OSBPL9: variants seen among roughly 807,000 people sequenced by gnomAD.
OSBPL9 encodes oxysterol-binding protein-related protein 9.
A neutral mutation model predicts 106.6 loss-of-function variants in OSBPL9; 40 were observed. The ratio of observed to expected loss-of-function variants is 0.38; its 90% CI spans 0.29 to 0.49. The LOEUF (loss-of-function observed/expected upper bound fraction) is 0.49. OSBPL9 is among the 20% of genes least tolerant of loss of function. The probability of loss-of-function intolerance (pLI) is 0.97; values close to 1 mark genes in which losing one functional copy is unlikely to be tolerated. For missense variants in OSBPL9, 609 were observed against 887.2 expected (o/e 0.69, Z 3.98); for synonymous variants, 269 against 295.4 (o/e 0.91, Z 0.92).
the OSBPL9 span, among the ~76,000 whole-genome samples, chr1:51,554,907 C>T: frequency 6.6e-6 from 1 of 152,302 alleles, no homozygotes; most frequent in Middle Eastern, 3.4e-3. Flanking sequence ...AATGCATATT[C>T]CCAGGCTACT....
chr1:51,535,198 G>T, the OSBPL9 span, among the ~76,000 whole-genome samples: 1 of 152,204 alleles, frequency 6.6e-6, no homozygotes. Context: ...CCCTCAAGTG[G>T]TGGTGGCCCA....
At chr1:51,611,299 T>C (rs1643986428) in intron 2 of OSBPL9, among the ~76,000 whole-genome samples, 1 of 151,932 alleles carries the variant, frequency 6.6e-6, no homozygotes, top group African/African-American at 2.4e-5. Flanking sequence ...ATTTTGCTTC[T>C]ACCAAATATA....
Position 51,679,886 on chromosome 1 carries a change from A to G in OSBPL9, c.241+10374A>G, listed in dbSNP as rs1275853695. ...TTGTTAATCTTACTGTGCCTTATTT[A>G]TAAGTTAAACTTTATTATAGGCAAG... On this transcript the variant is annotated intron_variant, in intron 3 of 23. Coordinates refer to ENST00000428468, the MANE Select transcript of OSBPL9 (RefSeq NM_024586.6). Among the ~76,000 whole-genome samples, 3 of 152,186 alleles carry G rather than the reference A, an allele frequency of 2.0e-5. No individual in the cohort carries two copies. In the East Asian group the frequency reaches 5.8e-4, roughly 29 times the overall value.
chr1:51,578,145 G>A (rs899455713), intron 1 of OSBPL9, among the ~76,000 whole-genome samples: 6 of 152,178 alleles, frequency 3.9e-5, no homozygotes, highest in Admixed American at 3.3e-4. Context: ...TAACTGAATG[G>A]ATGCATGATC....
At chr1:51,580,004 C>T (rs371097668) in intron 1 of OSBPL9, among the ~76,000 whole-genome samples, 1 of 152,162 alleles carries the variant, frequency 6.6e-6, no homozygotes, top group East Asian at 1.9e-4. Context: ...TGAGCACTCA[C>T]TTCTCTCTGA....
At chr1:51,783,854 T>C in intron 17 of OSBPL9, 61 bp from the exon 18 acceptor site, 5 of 1,220,952 alleles carry the variant, frequency 4.1e-6, no homozygotes, top group Non-Finnish European at 4.8e-6. Context: ...CCCCAGGTTA[T>C]GTGATTTTGG....
chr1:51,635,562 G>A (rs974132007), intron 1 of OSBPL9, among the ~76,000 whole-genome samples: 11 of 152,024 alleles, frequency 7.2e-5, no homozygotes, highest in Admixed American at 6.6e-4. Context: ...TTCCTTCAAG[G>A]TGCAGCATAT....
At chr1:51,629,957 A>T (rs1645010565) in intron 1 of OSBPL9, among the ~76,000 whole-genome samples, 1 of 152,062 alleles carries the variant, frequency 6.6e-6, no homozygotes, top group South Asian at 2.1e-4. Context: ...TCAAAAAAAA[A>T]AAATTATTAA....
chr1:51,748,114 C>A (rs1480927716), intron 6 of OSBPL9, among the ~76,000 whole-genome samples: 1 of 152,052 alleles, frequency 6.6e-6, no homozygotes, highest in East Asian at 1.9e-4. Flanking sequence ...TTATATTATT[C>A]TTACAAACCT....
At chr1:51,558,236 T>C in the OSBPL9 span, among the ~76,000 whole-genome samples, 15 of 151,748 alleles carry the variant, frequency 9.9e-5, no homozygotes, top group Non-Finnish European at 2.1e-4. Flanking sequence ...GCCAAGATTG[T>C]GCCACTGCAC....
intron 8 of OSBPL9, among the ~76,000 whole-genome samples, chr1:51,750,628 A>G (rs987170702): frequency 1.3e-5 from 2 of 152,150 alleles, no homozygotes; most frequent in African/African-American, 4.8e-5. Flanking sequence ...GTGGATTTTA[A>G]TTATTCTTCC....
At chr1:51,769,529 A>G (rs978011973) in intron 12 of OSBPL9, among the ~76,000 whole-genome samples, 2 of 152,214 alleles carry the variant, frequency 1.3e-5, no homozygotes, top group African/African-American at 4.8e-5. Context: ...GTAGATATAG[A>G]CATACCGTGT....
At chr1:51,711,661 T>C (rs1248770611) in intron 3 of OSBPL9, among the ~76,000 whole-genome samples, 1 of 110,012 alleles carries the variant, frequency 9.1e-6, no homozygotes, top group Non-Finnish European at 1.9e-5. Flanking sequence ...TCAGACGGGG[T>C]GGTTGCCAGG....
intron 3 of OSBPL9, among the ~76,000 whole-genome samples, chr1:51,711,632 C>T (rs909358768): frequency 5.8e-5 from 8 of 136,830 alleles, no homozygotes; most frequent in Admixed American, 1.4e-4. Context: ...AGCTGCTGGG[C>T]GGAGGGGCTC....
At chr1:51,686,235 C>T (rs1208720740) in intron 3 of OSBPL9, among the ~76,000 whole-genome samples, 1 of 152,172 alleles carries the variant, frequency 6.6e-6, no homozygotes, top group Non-Finnish European at 1.5e-5. Context: ...CTCACACATA[C>T]TTAAAAAGTA....
At chr1:51,571,197 T>C in the OSBPL9 span, among the ~76,000 whole-genome samples, 1 of 152,136 alleles carries the variant, frequency 6.6e-6, no homozygotes, top group Admixed American at 6.6e-5. Flanking sequence ...CATCTTTATA[T>C]TCCCTGAATC....
At chr1:51,711,080 A>C (rs1314896469) in intron 3 of OSBPL9, among the ~76,000 whole-genome samples, 4 of 152,014 alleles carry the variant, frequency 2.6e-5, no homozygotes, top group Non-Finnish European at 4.4e-5. Flanking sequence ...GAGCAGAACA[A>C]AATGAAAAGT....
intron 1 of OSBPL9, among the ~76,000 whole-genome samples, chr1:51,621,040 T>A (rs1354791659): frequency 6.6e-6 from 1 of 152,062 alleles, no homozygotes; most frequent in Non-Finnish European, 1.5e-5. Context: ...TTATAGAAAA[T>A]TTTTAACATT....
intron 12 of OSBPL9, among the ~76,000 whole-genome samples, 166 bp from the exon 13 acceptor site, chr1:51,771,904 T>C (rs771273507): frequency 6.6e-6 from 1 of 152,250 alleles, no homozygotes; most frequent in Non-Finnish European, 1.5e-5. Context: ...AACATGGCTT[T>C]GTTGAGCACA....
Sources: gnomAD v4.1 joint callset for allele counts (sites outside exome capture counted in the v4.1 genomes callset) on GRCh38, gnomAD v4.1.1 for gene constraint, MANE v1.5 for transcripts, NCBI Gene and HGNC (gene_info 2026-07-23, HGNC 2026-07-21) for gene names.